MUC5AC: variants seen among roughly 807,000 people sequenced by gnomAD.
MUC5AC encodes the protein mucin 5AC, oligomeric mucus/gel-forming.
In MUC5AC, 158 loss-of-function variants were observed where a neutral mutation model predicts 169.7. The observed-to-expected ratio is 0.93, with a 90% CI of 0.82 to 1.06. The LOEUF (loss-of-function observed/expected upper bound fraction) is 1.06, where lower values mean the gene tolerates loss of function less well. Among genes scored for constraint, MUC5AC ranks in the 50% least tolerant of loss-of-function variants. The probability of loss-of-function intolerance (pLI) is 0.00; values close to 1 mark genes in which losing one functional copy is unlikely to be tolerated. For synonymous variants in MUC5AC, 1,975 were observed against 1,237.0 expected (o/e 1.60, Z -12.52); for missense variants, 4,359 against 3,089.9 (o/e 1.41, Z -9.74).
At chr11:1,169,121 G>C (rs1372252734) in intron 15 of MUC5AC, 95 bp downstream of exon 15, 2 of 1,427,622 alleles carry the variant, frequency 1.4e-6, no homozygotes, top group African/African-American at 1.4e-5. Flanking sequence ...GGCCCTGCGT[G>C]TGCCTGTGAG....
In MUC5AC at chr11:1,199,977, C is replaced by G. The variant is rs575322090; in HGVS notation, c.16700+8C>G. On this transcript the variant is annotated splice_region_variant and intron_variant, in intron 48 of 48. Coordinates refer to ENST00000621226, the MANE Select transcript of MUC5AC (RefSeq NM_001304359.2). Reference sequence around the variant, plus strand: ...TGGGGACAGCTCTTCCATGTACGTGCCTGGGCAGCAGGCAGGGAGACGCGA... The same window carrying G: ...TGGGGACAGCTCTTCCATGTACGTGGCTGGGCAGCAGGCAGGGAGACGCGA... 5.3e-6 allele frequency: 4 copies of G among 756,860 alleles called. No individual in the cohort carries two copies. The East Asian group carries it at 9.8e-5, about 18-fold the overall frequency. 46.9% of individuals were successfully genotyped at this position (756,860 alleles called of 1,614,324 possible).
chr11:1,196,267 C>A (rs1230040940), intron 37 of MUC5AC, 121 bp from the exon 38 acceptor site: 3 of 687,344 alleles, frequency 4.4e-6, no homozygotes, highest in African/African-American at 1.8e-5. Context: ...GAGGCCGTAG[C>A]CAGGCCCAGG....
Position 1,194,305 on chromosome 11 carries a change from A to G in MUC5AC, c.14951A>G (p.His4984Arg), listed in dbSNP as rs751314103. The G allele has an allele frequency of 4.0e-6, 3 of 750,062 alleles. No individual in the cohort carries two copies. The highest frequency in any genetic ancestry group is 5.0e-5 in the East Asian group (2 of 40,190). The allele number at this position is 750,062 out of a possible 1,614,324, so 46.5% of individuals were successfully genotyped here. The change falls in exon 34 of 49, where the codon CAC becomes CGC. Residue 4984 changes from histidine to arginine, a missense_variant. Coordinates refer to ENST00000621226, the MANE Select transcript of MUC5AC (RefSeq NM_001304359.2). ...SCPRSIILEY[H>R]QDRVVLTRKP... ...CCGAGGTCCATCATCCTGGAGTACC[A>G]CCAGGACCGCGTGGTGCTGACCCGC...
Position 1,200,450 on chromosome 11 carries a change from G to A in MUC5AC, c.16713G>A (p.Glu5571=). 1.4e-6 allele frequency: 1 copy of A among 710,732 alleles called. No individual in the cohort carries two copies. Among genetic ancestry groups the A allele is most frequent in the Non-Finnish European group, 2.6e-6 (1 of 389,152 alleles). 44.0% of individuals were successfully genotyped at this position (710,732 alleles called of 1,614,324 possible). The part of the protein sequence containing the change: ...CGDSSSMYSL[E]GNTVEHRCQC... ...CCCCTGCCCACAGGTACTCGCTCGA[G>A]GGCAACACGGTGGAGCACAGGTGCC... is the stretch of plus-strand genomic sequence containing the variant. The change falls in exon 49 of 49, where the codon GAG becomes GAA. Residue 5571 remains glutamate (E), a synonymous_variant. Transcript: ENST00000621226.
chr11:1,178,536 G>T lies in MUC5AC; in HGVS notation c.3180G>T (p.Glu1060Asp). Reference sequence around the variant, plus strand: ...GGTCTGTGGTGGGGGACGTGCTGGAGTTTGGGAACAGCTGGAAGCTCTCCC... The same window carrying T: ...GGTCTGTGGTGGGGGACGTGCTGGATTTTGGGAACAGCTGGAAGCTCTCCC... ...RSRSVVGDVL[E>D]FGNSWKLSPS... Residue 1060 changes from glutamate to aspartate, a missense_variant, in exon 25 of 49, where the codon GAG (glutamate) becomes GAT (aspartate). Glu to Asp is a conservative substitution (Grantham distance 45). Coordinates refer to ENST00000621226, the MANE Select transcript of MUC5AC (RefSeq NM_001304359.2). The T allele has an allele frequency of 7.4e-7, 1 of 1,343,928 alleles. No individual in the cohort carries two copies. The highest frequency in any genetic ancestry group is 9.8e-7 in the Non-Finnish European group (1 of 1,025,288). The allele number at this position is 1,343,928 out of a possible 1,614,324, so 83.3% of individuals were successfully genotyped here.
intron 2 of MUC5AC, among the ~76,000 whole-genome samples, chr11:1,160,950 G>A (rs905195441): frequency 6.6e-6 from 1 of 152,226 alleles, no homozygotes; most frequent in African/African-American, 2.4e-5. Flanking sequence ...CCCATGTCCC[G>A]TGGGAGCCGG....
Position 1,185,973 on chromosome 11 carries a change from A to G in MUC5AC, c.7828A>G (p.Thr2610Ala). ...CACCAGCATAACCTCTGCACCTACA[A>G]CCAGCACAAACTCTGCCCCTATAAG... Reference protein sequence around the residue: ...PTTSITSAPTTSTNSAPISST... With the variant: ...PTTSITSAPTASTNSAPISST... The change falls in exon 31 of 49, where the codon ACC becomes GCC. Residue 2610 changes from threonine (T) to alanine (A), a missense_variant. Transcript: ENST00000621226. The G allele has an allele frequency of 1.4e-6, 1 of 733,322 alleles. No individual in the cohort carries two copies. The highest frequency in any genetic ancestry group is 1.9e-5 in the Admixed American group (1 of 53,728). 45.4% of individuals were successfully genotyped at this position (733,322 alleles called of 1,614,324 possible). A position where few individuals can be genotyped will look rare whatever the true frequency, so the allele number is the denominator to read the frequency against.
rs1393798123 is a variant in MUC5AC at position 1,190,853 on chromosome 11, C to G, written c.12708C>G (p.Ala4236=). ...SPVPTTSTTS[A]STTSTTSAPT... ...TTCCCACCACCAGCACAACCTCTGC[C>G]TCTACAACCAGCACAACTTCTGCTC... Residue 4236 remains alanine, a synonymous_variant, in exon 31 of 49, where the codon GCC becomes GCG. Transcript: ENST00000621226. 1.3e-5 allele frequency: 9 copies of G among 681,730 alleles called. No individual in the cohort carries two copies. Among genetic ancestry groups the G allele is most frequent in the Non-Finnish European group, 2.4e-5 (9 of 377,482 alleles). The allele number at this position is 681,730 out of a possible 1,614,324, so 42.2% of individuals were successfully genotyped here.
chr11:1,162,243 C>A, intron 4 of MUC5AC, 75 bp downstream of exon 4: 1 of 1,555,110 alleles, frequency 6.4e-7, no homozygotes, highest in South Asian at 1.2e-5. Context: ...CGGGGTTTCG[C>A]GGTCCTGGGA....
At chr11:1,162,289 A>G in intron 4 of MUC5AC, 121 bp downstream of exon 4, 1 of 1,436,304 alleles carries the variant, frequency 7.0e-7, no homozygotes. Flanking sequence ...CTGAGAGCAG[A>G]GCTGGACATG....
At chr11:1,194,948 C>T in intron 35 of MUC5AC, 64 bp from the exon 36 acceptor site, 1 of 657,596 alleles carries the variant, frequency 1.5e-6, no homozygotes, top group Non-Finnish European at 2.8e-6. Context: ...TCCTGTCCCC[C>T]AGCTGGGGGT....
chr11:1,168,188 G>T (rs1322798200), intron 12 of MUC5AC, among the ~76,000 whole-genome samples: 1 of 152,172 alleles, frequency 6.6e-6, no homozygotes, highest in Non-Finnish European at 1.5e-5. Flanking sequence ...CTCCCGGGCC[G>T]CCATACCTGA....
rs1861080109 is a variant in MUC5AC at position 1,191,015 on chromosome 11, C to T, written c.12870C>T (p.Thr4290=). The stretch of plus-strand genomic sequence containing the variant: ...CATCTGCTCCTACAAGCAGCATGAC[C>T]TCTGGTCCTGGAACTACTCCCAGCC... The part of the protein sequence containing the change: ...RTTSAPTSSM[T]SGPGTTPSPV... The change falls in exon 31 of 49, where the codon ACC becomes ACT. Residue 4290 remains threonine, a synonymous_variant. Coordinates refer to ENST00000621226, the MANE Select transcript of MUC5AC (RefSeq NM_001304359.2). 1 of 756,058 alleles carries T rather than the reference C, an allele frequency of 1.3e-6. No homozygotes were observed. The highest frequency in any genetic ancestry group is 1.7e-5 in the African/African-American group (1 of 57,374). 46.8% of individuals were successfully genotyped at this position (756,058 alleles called of 1,614,324 possible).
At chr11:1,160,778 GT>G in intron 2 of MUC5AC, 89 bp downstream of exon 2, 1 of 1,364,674 alleles carries the variant, frequency 7.3e-7, no homozygotes, top group Non-Finnish European at 1.0e-6. Flanking sequence ...TGGTCTTAGG[GT>G]GGCTCCCCAG....
Position 1,179,226 on chromosome 11 carries a change from C to G in MUC5AC, c.3462C>G (p.Ser1154=). 1 of 615,870 alleles carries G rather than the reference C, an allele frequency of 1.6e-6. No homozygotes were observed. Among genetic ancestry groups the G allele is most frequent in the Non-Finnish European group, 2.9e-6 (1 of 340,208 alleles). The allele number at this position is 615,870 out of a possible 1,614,324, so 38.2% of individuals were successfully genotyped here. A position where few individuals can be genotyped will look rare whatever the true frequency, so the allele number is the denominator to read the frequency against. ...GCCATGAAGTAGGCCTGTGTGTGTC[C>G]TGGCGGACCCCGAGCATCTGCCGTG... ...QACHEVGLCV[S]WRTPSICPLF... The change falls in exon 26 of 49, where the codon TCC becomes TCG. Residue 1154 remains serine, a synonymous_variant. Transcript: ENST00000621226.
At chr11:1,161,186 C>T (rs544100949) in intron 2 of MUC5AC, among the ~76,000 whole-genome samples, 93 of 152,336 alleles carry the variant, frequency 6.1e-4, no homozygotes, top group African/African-American at 2.2e-3. Context: ...CCAAATCGGG[C>T]CAGACAGGCC....
chr11:1,179,112 C>T lies in MUC5AC; in HGVS notation c.3348C>T (p.Tyr1116=), dbSNP rs879085383. The change falls in exon 26 of 49, where the codon TAC becomes TAT. Residue 1116 remains tyrosine (Y), a synonymous_variant. Coordinates refer to ENST00000621226, the MANE Select transcript of MUC5AC (RefSeq NM_001304359.2). ...CTCAGGTGGAGCCGGCCAGGTACTA[C>T]GAGGCCTGCGTGAACGACGCGTGCG... ...CHAHVEPARY[Y]EACVNDACAC... 24,066 of 606,910 alleles carry T rather than the reference C, an allele frequency of 0.04. 754 individuals carry two copies. The highest frequency in any genetic ancestry group is 0.097 in the African/African-American group (5,279 of 54,618). 37.6% of individuals were successfully genotyped at this position (606,910 alleles called of 1,614,324 possible).
intron 16 of MUC5AC, among the ~76,000 whole-genome samples, chr11:1,172,827 C>T (rs1405707721): frequency 1.3e-5 from 2 of 151,480 alleles, no homozygotes; most frequent in Non-Finnish European, 3.0e-5. Flanking sequence ...CCCACTCACC[C>T]ATTCACTCAC....
intron 9 of MUC5AC, 143 bp from the exon 10 acceptor site, chr11:1,165,159 C>T (rs1169308818): frequency 1.1e-5 from 8 of 755,720 alleles, no homozygotes; most frequent in Non-Finnish European, 1.3e-5. Context: ...TCCCGGGCCC[C>T]TGAGGCTGGC....
Sources: gnomAD v4.1 joint callset for allele counts (sites outside exome capture counted in the v4.1 genomes callset) on GRCh38, gnomAD v4.1.1 for gene constraint, MANE v1.5 for transcripts, NCBI Gene and HGNC (gene_info 2026-07-23, HGNC 2026-07-21) for gene names.